CD36: variants seen among roughly 807,000 people sequenced by gnomAD.
CD36 encodes platelet glycoprotein 4.
Under a neutral mutation model 55.2 loss-of-function variants are expected in CD36, and 119 were observed. The observed-to-expected ratio is 2.15, with a 90% confidence interval of 1.86 to 2.51. The LOEUF is 2.51. CD36 is among the 30% of genes most tolerant of loss of function. CD36 has a pLI of 0.00. For missense variants in CD36, 819 were observed against 555.5 expected (o/e 1.47, Z -4.77); for synonymous variants, 186 against 193.6 (o/e 0.96, Z 0.33).
intron 14 of CD36, among the ~76,000 whole-genome samples, chr7:80,675,888 C>A (rs1208979131): frequency 6.6e-6 from 1 of 152,040 alleles, no homozygotes; most frequent in Non-Finnish European, 1.5e-5. Flanking sequence ...GGAACTTGGT[C>A]TGAAGGGTGT....
At position 80,676,373 on chromosome 7, in the gene CD36, C is replaced by T. The variant is rs961586402; in HGVS notation, c.*1-11C>T. On this transcript the variant is annotated splice_polypyrimidine_tract_variant and intron_variant, in intron 14 of 14. Transcript: ENST00000447544. Reference sequence around the variant, plus strand: ...TCATTTCCACAACTGAATTGATTTCCGTTTCTACAGACCTGGCTCAAGCAC... The same window carrying T: ...TCATTTCCACAACTGAATTGATTTCTGTTTCTACAGACCTGGCTCAAGCAC... 1.3e-5 allele frequency: 2 copies of T among 152,046 alleles called. No homozygotes were observed. Among genetic ancestry groups the T allele is most frequent in the South Asian group, 4.1e-4 (2 of 4,824 alleles). The allele number at this position is 152,046 out of a possible 1,614,324, so 9.4% of individuals were successfully genotyped here. A position where few individuals can be genotyped will look rare whatever the true frequency, so the allele number is the denominator to read the frequency against.
chr7:80,661,833 G>A (rs1001434664), intron 5 of CD36, among the ~76,000 whole-genome samples: 1 of 152,174 alleles, frequency 6.6e-6, no homozygotes, highest in African/African-American at 2.4e-5. Flanking sequence ...TCTATTGTTT[G>A]GAAAGTCGAA....
At chr7:80,666,293 A>T in intron 7 of CD36, 150 bp from the exon 8 acceptor site, 1 of 651,364 alleles carries the variant, frequency 1.5e-6, no homozygotes, top group Non-Finnish European at 2.7e-6. Flanking sequence ...CAAACAAAAC[A>T]TAAACAGAAT....
intron 3 of CD36, among the ~76,000 whole-genome samples, chr7:80,648,598 A>G (rs1795355624): frequency 6.6e-6 from 1 of 152,082 alleles, no homozygotes; most frequent in Non-Finnish European, 1.5e-5. Flanking sequence ...GCTTTTGTAT[A>G]ATGACTAAGA....
intron 1 of CD36, among the ~76,000 whole-genome samples, chr7:80,621,598 A>G (rs1436355163): frequency 6.6e-6 from 1 of 152,220 alleles, no homozygotes; most frequent in African/African-American, 2.4e-5. Context: ...AAAATAAGGT[A>G]TTATGTCTAA....
intron 1 of CD36, among the ~76,000 whole-genome samples, chr7:80,619,111 A>G (rs1793320450): frequency 1.3e-5 from 2 of 152,186 alleles, no homozygotes; most frequent in South Asian, 4.1e-4. Flanking sequence ...GCCCTTCAGA[A>G]TGATTCAAAG....
intron 1 of CD36, among the ~76,000 whole-genome samples, chr7:80,608,164 A>T (rs1010719909): frequency 2.0e-5 from 3 of 152,258 alleles, no homozygotes; most frequent in African/African-American, 7.2e-5. Context: ...TTATCCCAGC[A>T]TTCAATAATA....
At chr7:80,613,794 C>T (rs1793004155) in intron 1 of CD36, among the ~76,000 whole-genome samples, 1 of 151,924 alleles carries the variant, frequency 6.6e-6, no homozygotes, top group African/African-American at 2.4e-5. Flanking sequence ...TGAGTTGATT[C>T]CTTGTTAACA....
intron 8 of CD36, among the ~76,000 whole-genome samples, chr7:80,667,754 T>TTTTGTTTG (rs1554344798): frequency 2.6e-4 from 33 of 128,782 alleles, no homozygotes; most frequent in Non-Finnish European, 3.9e-4. Context: ...TTTGTTTTTT[T>TTTTGTTTG]TTTTTTTTTT....
At chr7:80,618,361 G>A (rs1793279187) in intron 1 of CD36, among the ~76,000 whole-genome samples, 1 of 152,002 alleles carries the variant, frequency 6.6e-6, no homozygotes, top group Non-Finnish European at 1.5e-5. Flanking sequence ...ATTGAAACTA[G>A]GTCAATTTAT....
intron 3 of CD36, among the ~76,000 whole-genome samples, chr7:80,653,283 A>G (rs1795766491): frequency 6.6e-6 from 1 of 152,336 alleles, no homozygotes; most frequent in African/African-American, 2.4e-5. Context: ...TATTTTCTAC[A>G]TTTGTACTCT....
chr7:80,657,245 A>C (rs1005622706), intron 4 of CD36, among the ~76,000 whole-genome samples: 11 of 152,160 alleles, frequency 7.2e-5, no homozygotes, highest in African/African-American at 2.7e-4. Flanking sequence ...GAGGCCCACT[A>C]AAGAGTTTTA....
chr7:80,676,193 T>C lies in CD36; in HGVS notation c.*1-191T>C, dbSNP rs184297191. 7 of 152,300 alleles carry C rather than the reference T, an allele frequency of 4.6e-5. No individual in the cohort carries two copies. The East Asian group carries it at 1.3e-3, about 29-fold the overall frequency. 9.4% of individuals were successfully genotyped at this position (152,300 alleles called of 1,614,324 possible). On this transcript the variant is annotated intron_variant, in intron 14 of 14. Transcript: ENST00000447544. The stretch of plus-strand genomic sequence containing the variant: ...CAACAGGATGAAAATTGGATATGCT[T>C]TACTTTTACAAAGCACACCTTATCT...
chr7:80,671,802 A>C, intron 10 of CD36, 120 bp from the exon 11 acceptor site: 1 of 818,940 alleles, frequency 1.2e-6, no homozygotes, highest in East Asian at 2.6e-5. Context: ...TTCCCCACCC[A>C]TGTTAAAAAC....
rs573492008 is a variant in CD36 at position 80,605,298 on chromosome 7, C to G, written c.-184+2919C>G. 2.6e-5 allele frequency among the ~76,000 whole-genome samples: 4 copies of G among 152,210 alleles called. No individual in the cohort carries two copies. The South Asian group carries it at 8.3e-4, about 32-fold the overall frequency. ...AAATGCTATTAGAAGCAACATTGTG[C>G]TAAACATTTATAAGAATCTAGGATC... On this transcript the variant is annotated intron_variant, in intron 1 of 13. Transcript: ENST00000309881.
chr7:80,651,095 A>G (rs969376478), intron 3 of CD36, among the ~76,000 whole-genome samples: 4 of 152,206 alleles, frequency 2.6e-5, no homozygotes, highest in African/African-American at 9.6e-5. Flanking sequence ...ATTGTATAAC[A>G]TAACATAGGT....
At chr7:80,631,606 C>G (rs1340706531) in intron 1 of CD36, among the ~76,000 whole-genome samples, 1 of 151,140 alleles carries the variant, frequency 6.6e-6, no homozygotes, top group African/African-American at 2.4e-5. Flanking sequence ...AAGACACATA[C>G]AGGACAGTTG....
At chr7:80,605,962 G>A (rs776780658) in intron 1 of CD36, among the ~76,000 whole-genome samples, 20 of 152,054 alleles carry the variant, frequency 1.3e-4, no homozygotes, top group Admixed American at 8.5e-4. Context: ...GCATCTTGCC[G>A]GCATATAAAC....
At chr7:80,605,981 G>A (rs2115700653) in intron 1 of CD36, among the ~76,000 whole-genome samples, 1 of 152,160 alleles carries the variant, frequency 6.6e-6, no homozygotes, top group Non-Finnish European at 1.5e-5. Context: ...ACTCCATAAA[G>A]GTAATGGAGC....
Sources: gnomAD v4.1 joint callset for allele counts (sites outside exome capture counted in the v4.1 genomes callset) on GRCh38, gnomAD v4.1.1 for gene constraint, MANE v1.5 for transcripts, NCBI Gene and HGNC (gene_info 2026-07-23, HGNC 2026-07-21) for gene names.